Variants in SEM1 observed in about 807,000 individuals in gnomAD.
SEM1 encodes SEM1 26S proteasome subunit, also known as 26S proteasome complex subunit SEM1.
SEM1 carries 3 observed loss-of-function variants against 12.7 expected under a neutral mutation model. The ratio of observed to expected loss-of-function variants is 0.24; its 90% CI spans 0.11 to 0.61. The LOEUF is 0.61. Ranked by LOEUF, SEM1 falls within the 20% of genes least tolerant of loss-of-function variation. The pLI, the probability that SEM1 is intolerant of heterozygous loss-of-function variation, is 0.88. For synonymous variants in SEM1, 30 were observed against 27.8 expected (o/e 1.08, Z -0.25); for missense variants, 59 against 81.3 (o/e 0.73, Z 1.06).
chr7:96,571,252 G>C (rs1354135032), intron 2 of SEM1, among the ~76,000 whole-genome samples: 1 of 151,862 alleles, frequency 6.6e-6, no homozygotes, highest in Non-Finnish European at 1.5e-5. Flanking sequence ...CCATGCTTTT[G>C]GTGTTTTAGT....
intron 2 of SEM1, among the ~76,000 whole-genome samples, chr7:96,614,156 G>T (rs1443700903): frequency 6.6e-6 from 1 of 152,054 alleles, no homozygotes. Context: ...TCTACTTGAG[G>T]ATCTTAAATA....
intron 2 of SEM1, among the ~76,000 whole-genome samples, chr7:96,534,310 A>G (rs1480741752): frequency 6.6e-6 from 1 of 152,052 alleles, no homozygotes; most frequent in African/African-American, 2.4e-5. Context: ...AGCTTCCCCG[A>G]TACTTTAAGG....
rs768834769 is a variant in SEM1 at position 96,513,636 on chromosome 7, G to A, written c.171-6938C>T. Among the ~76,000 whole-genome samples the A allele has an allele frequency of 3.3e-5, 5 of 151,858 alleles. No homozygotes were observed. The South Asian group carries it at 6.2e-4, about 19-fold the overall frequency. ...TTGAGGTCAGGAGTTCCAGACTAGC[G>A]TGGCCAACATGGTGAAACCCCATCT... On this transcript the variant is annotated intron_variant and NMD_transcript_variant, in intron 2 of 3. Transcript: ENST00000466986.
intron 2 of SEM1, among the ~76,000 whole-genome samples, chr7:96,650,771 TTC>T (rs953751549): frequency 9.3e-4 from 142 of 152,102 alleles, no homozygotes; most frequent in African/African-American, 3.3e-3. Context: ...ATATATAAAT[TTC>T]TCTCTTTTTT....
chr7:96,694,969 TACTG>T lies in SEM1; in HGVS notation c.77-82_77-79del, dbSNP rs1347397168. 21 of 996,208 alleles carry T rather than the reference TACTG, an allele frequency of 2.1e-5. No individual in the cohort carries two copies. In the African/African-American group the frequency reaches 2.6e-4, roughly 12 times the overall value. 61.7% of individuals were successfully genotyped at this position (996,208 alleles called of 1,614,324 possible). A position where few individuals can be genotyped will look rare whatever the true frequency, so the allele number is the denominator to read the frequency against. On this transcript the variant is annotated intron_variant, in intron 1 of 2. Transcript: ENST00000248566. ...ATTACAAAAACTTTGAAAAGCTTGC[TACTG>T]AACACTCACAATTCAAAAACAGCTA...
chr7:96,661,319 T>C (rs1243070517), intron 2 of SEM1, among the ~76,000 whole-genome samples: 1 of 152,228 alleles, frequency 6.6e-6, no homozygotes, highest in African/African-American at 2.4e-5. Flanking sequence ...TATTTAGGAT[T>C]GGAAAGACTC....
rs117727609 is a variant in SEM1, at chr7:96,644,610, T to C, written c.171-21967A>G. Among the ~76,000 whole-genome samples the C allele has an allele frequency of 9.6e-3, 1,463 of 152,252 alleles. 15 individuals are homozygous for C. The highest frequency in any genetic ancestry group is 0.017 in the Middle Eastern group (5 of 294). Reference sequence around the variant, plus strand: ...TTCCTATCTATTCTAAACAGGATTTTCTGCAAAGCTTTAGCTCTGTGCACC... The same window carrying C: ...TTCCTATCTATTCTAAACAGGATTTCCTGCAAAGCTTTAGCTCTGTGCACC... On this transcript the variant is annotated intron_variant, in intron 2 of 2. Transcript: ENST00000417009.
chr7:96,675,957 A>G (rs1363341451), intron 2 of SEM1, among the ~76,000 whole-genome samples: 3 of 152,172 alleles, frequency 2.0e-5, no homozygotes, highest in Non-Finnish European at 4.4e-5. Context: ...CATTTGGCAT[A>G]ACATATTTAG....
chr7:96,661,766 T>A (rs1789009479), intron 2 of SEM1, among the ~76,000 whole-genome samples: 1 of 152,084 alleles, frequency 6.6e-6, no homozygotes, highest in Non-Finnish European at 1.5e-5. Context: ...GGCGGGCAGA[T>A]CACCTGAGGT....
chr7:96,481,708 A>G (rs2117182749), exon 4 of SEM1: 1 of 152,326 alleles, frequency 6.6e-6, no homozygotes, highest in South Asian at 2.1e-4. Context: ...TATAATTAAT[A>G]TATGCCAAAA....
intron 2 of SEM1, among the ~76,000 whole-genome samples, chr7:96,636,650 A>T (rs1808437111): frequency 6.6e-6 from 1 of 152,120 alleles, no homozygotes; most frequent in Admixed American, 6.6e-5. Context: ...TCAGCTGTTC[A>T]CAGCCCTGAA....
chr7:96,518,746 C>A (rs1278628624), intron 2 of SEM1, among the ~76,000 whole-genome samples: 1 of 152,116 alleles, frequency 6.6e-6, no homozygotes, highest in Non-Finnish European at 1.5e-5. Context: ...TTATTCAGTT[C>A]TTTAGTAAAT....
intron 2 of SEM1, among the ~76,000 whole-genome samples, chr7:96,560,346 AT>A (rs1368495128): frequency 6.6e-6 from 1 of 152,200 alleles, no homozygotes; most frequent in Non-Finnish European, 1.5e-5. Context: ...AAAATGATAC[AT>A]TTTAATCAAC....
intron 2 of SEM1, among the ~76,000 whole-genome samples, chr7:96,584,220 T>C (rs928896241): frequency 4.3e-4 from 66 of 152,076 alleles, no homozygotes; most frequent in Non-Finnish European, 5.7e-4. Flanking sequence ...TTCTCCTTCA[T>C]TTATGAAGCT....
chr7:96,538,616 T>C (rs569500190), intron 2 of SEM1, among the ~76,000 whole-genome samples: 1 of 151,980 alleles, frequency 6.6e-6, no homozygotes, highest in East Asian at 1.9e-4. Context: ...ACTATTATAC[T>C]GAAGCCCTGT....
intron 2 of SEM1, among the ~76,000 whole-genome samples, chr7:96,625,696 G>T (rs1411446093): frequency 6.6e-6 from 1 of 152,118 alleles, no homozygotes; most frequent in Admixed American, 6.5e-5. Flanking sequence ...AAGCTTCCAG[G>T]TTATAACAAT....
chr7:96,706,734 A>C (rs1195975307), intron 1 of SEM1, among the ~76,000 whole-genome samples: 1 of 152,152 alleles, frequency 6.6e-6, no homozygotes, highest in Non-Finnish European at 1.5e-5. Context: ...AAAATCTATT[A>C]GTCGAACCAC....
chr7:96,707,095 T>C (rs1790490655), intron 1 of SEM1, among the ~76,000 whole-genome samples: 1 of 151,852 alleles, frequency 6.6e-6, no homozygotes, highest in African/African-American at 2.4e-5. Flanking sequence ...ACATCTCTCT[T>C]AGGAATCCTG....
At chr7:96,590,292 G>A (rs1806788079) in intron 2 of SEM1, among the ~76,000 whole-genome samples, 1 of 152,086 alleles carries the variant, frequency 6.6e-6, no homozygotes, top group East Asian at 1.9e-4. Context: ...AACATTGCAG[G>A]GGACACACTT....
Sources: gnomAD v4.1 joint callset for allele counts (sites outside exome capture counted in the v4.1 genomes callset) on GRCh38, gnomAD v4.1.1 for gene constraint, MANE v1.5 for transcripts, NCBI Gene and HGNC (gene_info 2026-07-23, HGNC 2026-07-21) for gene names.